CPNE8: variants seen among roughly 807,000 people sequenced by gnomAD.
The protein encoded by CPNE8 is copine-8.
A neutral mutation model predicts 81.5 loss-of-function variants in CPNE8; 45 were observed. The observed-to-expected ratio is 0.55, with a 90% CI of 0.44 to 0.71. The LOEUF is 0.71. Ranked by LOEUF, CPNE8 falls within the 30% of genes least tolerant of loss-of-function variation. CPNE8 has a pLI of 0.00. For missense variants in CPNE8, 594 were observed against 672.1 expected, an observed-to-expected ratio of 0.88 and a Z score of 1.28; for synonymous variants, 252 against 226.3, an observed-to-expected ratio of 1.11 and a Z score of -1.02.
At chr12:38,765,722 T>C (rs138351071) in intron 8 of CPNE8, among the ~76,000 whole-genome samples, 122 of 152,294 alleles carry the variant, frequency 8.0e-4, no homozygotes, top group Middle Eastern at 3.4e-3. Context: ...TAGGTTTCTG[T>C]GTGTAAATAT....
At chr12:38,736,240 G>GTGTGTGTGTGTGTGTGTA (rs1940950548) in intron 10 of CPNE8, among the ~76,000 whole-genome samples, 2 of 150,730 alleles carry the variant, frequency 1.3e-5, no homozygotes, top group Non-Finnish European at 3.0e-5. Flanking sequence ...TGTGTTGTGT[G>GTGTGTGTGTGTGTGTGTA]TGTATTACAC....
At chr12:38,728,335 G>C (rs1156253037) in intron 11 of CPNE8, among the ~76,000 whole-genome samples, 1 of 152,040 alleles carries the variant, frequency 6.6e-6, no homozygotes, top group Non-Finnish European at 1.5e-5. Context: ...ATGCGTAAAG[G>C]ATGAAAGTAT....
At chr12:38,803,742 T>C (rs1355577969) in intron 6 of CPNE8, among the ~76,000 whole-genome samples, 3 of 147,074 alleles carry the variant, frequency 2.0e-5, no homozygotes, top group Admixed American at 1.4e-4. Flanking sequence ...GACGACATGA[T>C]TGTTTATCTA....
intron 13 of CPNE8, among the ~76,000 whole-genome samples, chr12:38,713,077 G>A (rs992512435): frequency 1.3e-5 from 2 of 152,142 alleles, no homozygotes; most frequent in African/African-American, 4.8e-5. Context: ...TTACAGAAAT[G>A]AAAACAGGTT....
At chr12:38,769,684 A>G (rs1446145372) in intron 7 of CPNE8, among the ~76,000 whole-genome samples, 3 of 152,182 alleles carry the variant, frequency 2.0e-5, no homozygotes, top group Non-Finnish European at 4.4e-5. Flanking sequence ...AACATTCTGT[A>G]TACTTACAAT....
chr12:38,810,962 G>T (rs1041969409), intron 6 of CPNE8, among the ~76,000 whole-genome samples: 2 of 152,052 alleles, frequency 1.3e-5, no homozygotes, highest in African/African-American at 4.8e-5. Context: ...TTCCTAGTCT[G>T]CCTTTCTCTT....
intron 6 of CPNE8, among the ~76,000 whole-genome samples, chr12:38,816,915 CT>C (rs1462974242): frequency 6.6e-6 from 1 of 152,196 alleles, no homozygotes; most frequent in Non-Finnish European, 1.5e-5. Flanking sequence ...GAAATTTTTA[CT>C]TACTGGCATT....
intron 10 of CPNE8, among the ~76,000 whole-genome samples, chr12:38,742,587 G>A (rs1941133443): frequency 6.6e-6 from 1 of 150,538 alleles, no homozygotes; most frequent in Non-Finnish European, 1.5e-5. Context: ...TAAATGACGA[G>A]TTAATTTGTG....
At chr12:38,793,938 T>C (rs1055127842) in intron 6 of CPNE8, among the ~76,000 whole-genome samples, 4 of 152,112 alleles carry the variant, frequency 2.6e-5, no homozygotes, top group African/African-American at 9.7e-5. Flanking sequence ...AGAAGACCTT[T>C]AATGAGAATT....
intron 11 of CPNE8, among the ~76,000 whole-genome samples, chr12:38,729,409 C>T (rs1940780734): frequency 6.6e-6 from 1 of 151,994 alleles, no homozygotes; most frequent in Non-Finnish European, 1.5e-5. Flanking sequence ...TCTATCTACA[C>T]AAAACATATT....
At chr12:38,769,832 C>T (rs1227304997) in intron 7 of CPNE8, among the ~76,000 whole-genome samples, 1 of 152,020 alleles carries the variant, frequency 6.6e-6, no homozygotes, top group Non-Finnish European at 1.5e-5. Flanking sequence ...AATTATATCC[C>T]TTAGGGCTTG....
chr12:38,830,440 A>T (rs10506129), intron 5 of CPNE8, among the ~76,000 whole-genome samples: 35,783 of 152,080 alleles, frequency 0.24, 5,420 homozygotes, highest in Non-Finnish European at 0.33. Context: ...GTACAGTGCA[A>T]ACTCATATAT....
chr12:38,905,399 T>C, intron 1 of CPNE8, 38 bp downstream of exon 1: 1 of 1,544,812 alleles, frequency 6.5e-7, no homozygotes, highest in Non-Finnish European at 8.7e-7. Flanking sequence ...ACCCCACAGA[T>C]GAGAGGGCAG....
rs915100865 is a variant in CPNE8, at chr12:38,723,292, AT to A, written c.914+479del. Among the ~76,000 whole-genome samples the A allele has an allele frequency of 1.0e-3, 155 of 150,032 alleles. 1 individual carries two copies. Among genetic ancestry groups the A allele is most frequent in the African/African-American group, 2.9e-3 (119 of 40,966 alleles). ...AAAAATTTCAAAATTGGTTACAACT[AT>A]TTTTTTTTTCCTGAAATGTATTCCT... On this transcript the variant is annotated intron_variant, in intron 13 of 19. Transcript: ENST00000331366.
chr12:38,799,592 C>T (rs1047107930), intron 6 of CPNE8, among the ~76,000 whole-genome samples: 16 of 152,114 alleles, frequency 1.1e-4, no homozygotes, highest in Admixed American at 9.8e-4. Context: ...CAAGAGAAAG[C>T]AGGAAAGATC....
rs142920593 is a variant in CPNE8 at position 38,851,403 on chromosome 12, T to C, written c.187-2741A>G. Among the ~76,000 whole-genome samples, 108 of 152,326 alleles carry C rather than the reference T, an allele frequency of 7.1e-4. 2 individuals are homozygous for C. The East Asian group carries it at 0.016, about 23-fold the overall frequency. ...ACCCTAATACTGGTGCTTACCAAGT[T>C]TACTTCTTGTCAATAAATGTTACCA... On this transcript the variant is annotated intron_variant, in intron 3 of 19. Coordinates refer to ENST00000331366, the MANE Select transcript of CPNE8 (RefSeq NM_153634.3).
chr12:38,790,722 ATAC>A (rs1411845573), intron 6 of CPNE8, among the ~76,000 whole-genome samples: 3 of 151,684 alleles, frequency 2.0e-5, no homozygotes, highest in Admixed American at 6.6e-5. Context: ...TTAAATATAT[ATAC>A]CACTATGTAC....
chr12:38,762,094 A>G lies in CPNE8; in HGVS notation c.680+18T>C. The stretch of plus-strand genomic sequence containing the variant: ...TTAAAAGTTATTTGAAGATTTTTGA[A>G]TAAACTATCCTTCTTACCTGTCATA... On this transcript the variant is annotated intron_variant, in intron 9 of 19. Transcript: ENST00000331366. 8.1e-7 allele frequency: 1 copy of G among 1,235,878 alleles called. No homozygotes were observed. The highest frequency in any genetic ancestry group is 1.5e-5 in the African/African-American group (1 of 64,556). The allele number at this position is 1,235,878 out of a possible 1,614,324, so 76.6% of individuals were successfully genotyped here.
chr12:38,689,895 T>C (rs898679941), intron 15 of CPNE8, among the ~76,000 whole-genome samples: 1 of 152,240 alleles, frequency 6.6e-6, no homozygotes, highest in African/African-American at 2.4e-5. Flanking sequence ...CAATGACTCA[T>C]TCTTTTCATA....
Sources: allele counts gnomAD v4.1 joint callset (sites outside exome capture counted in the v4.1 genomes callset), GRCh38; gene constraint gnomAD v4.1.1; transcripts MANE v1.5; gene names NCBI Gene and HGNC (gene_info 2026-07-23, HGNC 2026-07-21).